The following CFAP77 variants were observed in gnomAD, a reference collection of about 807,000 sequenced individuals.
The protein encoded by CFAP77 is cilia and flagella associated protein 77.
In CFAP77, 25 loss-of-function variants were observed where a neutral mutation model predicts 31.1. That is an observed-to-expected ratio of 0.80 (90% CI 0.59 to 1.12). CFAP77 has a LOEUF of 1.12. CFAP77 is among the 50% of genes most tolerant of loss of function. The probability of loss-of-function intolerance (pLI) is 0.00; values close to 1 mark genes in which losing one functional copy is unlikely to be tolerated. For synonymous variants in CFAP77, 151 were observed against 159.9 expected (o/e 0.94, Z 0.42); for missense variants, 377 against 397.3 (o/e 0.95, Z 0.44).
chr9:132,489,040 G>C (rs1010687549), intron 1 of CFAP77, among the ~76,000 whole-genome samples: 1 of 152,196 alleles, frequency 6.6e-6, no homozygotes, highest in African/African-American at 2.4e-5. Flanking sequence ...GCTGAGGAGG[G>C]AGGGGTGGTC....
chr9:132,502,990 A>G (rs1442485250), intron 3 of CFAP77, among the ~76,000 whole-genome samples: 1 of 152,178 alleles, frequency 6.6e-6, no homozygotes, highest in African/African-American at 2.4e-5. Flanking sequence ...CTCATTCTTC[A>G]AAGTTCAGCT....
intron 1 of CFAP77, among the ~76,000 whole-genome samples, chr9:132,482,042 G>GA (rs76709339): frequency 0.049 from 7,313 of 149,520 alleles, 561 homozygotes; most frequent in East Asian, 0.36. Context: ...TAAAGAAAAT[G>GA]AAAACATAAA....
chr9:132,459,183 T>A (rs919494764), intron 1 of CFAP77, among the ~76,000 whole-genome samples: 3 of 151,916 alleles, frequency 2.0e-5, no homozygotes, highest in African/African-American at 7.3e-5. Context: ...GCCATTCTCC[T>A]GCCTCAGCCT....
At chr9:132,523,046 G>A (rs920515452) in intron 3 of CFAP77, among the ~76,000 whole-genome samples, 2 of 151,518 alleles carry the variant, frequency 1.3e-5, no homozygotes, top group African/African-American at 4.8e-5. Context: ...CCCCTGCCTC[G>A]GGCCTCGCTG....
At chr9:132,537,788 G>A (rs1852572157) in intron 4 of CFAP77, 82 bp downstream of exon 4, 3 of 1,020,766 alleles carry the variant, frequency 2.9e-6, no homozygotes, top group Non-Finnish European at 4.5e-6. Flanking sequence ...GCATCGAGAT[G>A]ACACTTGTGT....
Position 132,565,472 on chromosome 9 carries a change from A to G in CFAP77, c.733-6916A>G, listed in dbSNP as rs1217729203. ...TGGTAAAACCCCGTCTCTACTAAAAATATAAAAAATTAGCTGGGCGTGATG... is the reference window on the plus strand; with the variant it reads ...TGGTAAAACCCCGTCTCTACTAAAAGTATAAAAAATTAGCTGGGCGTGATG... On this transcript the variant is annotated intron_variant, in intron 5 of 5. Coordinates refer to ENST00000393216, the MANE Select transcript of CFAP77 (RefSeq NM_001282957.2). The surrounding 1 kb of genome is among the most constrained non-coding windows in gnomAD (Gnocchi z 4.1). Among the ~76,000 whole-genome samples, 1 of 152,206 alleles carries G rather than the reference A, an allele frequency of 6.6e-6. No individual in the cohort carries two copies. The highest frequency in any genetic ancestry group is 1.9e-4 in the East Asian group (1 of 5,176).
intron 5 of CFAP77, among the ~76,000 whole-genome samples, chr9:132,560,021 A>G (rs1478647849): frequency 6.6e-6 from 1 of 152,236 alleles, no homozygotes; most frequent in African/African-American, 2.4e-5. Flanking sequence ...GCCAGAGGCT[A>G]GGGAAGAGGA....
At chr9:132,530,557 G>A (rs1289652967) in intron 3 of CFAP77, among the ~76,000 whole-genome samples, 2 of 152,184 alleles carry the variant, frequency 1.3e-5, no homozygotes, top group East Asian at 1.9e-4. Flanking sequence ...TTACAGGCGT[G>A]AGCCATCATG....
intron 5 of CFAP77, among the ~76,000 whole-genome samples, chr9:132,548,988 T>C (rs1378691223): frequency 6.6e-6 from 1 of 151,968 alleles, no homozygotes; most frequent in Non-Finnish European, 1.5e-5. Flanking sequence ...GGCTCCCTAA[T>C]AGAACAGGAG....
chr9:132,505,408 C>G (rs17149200), intron 3 of CFAP77, among the ~76,000 whole-genome samples: 36,473 of 152,076 alleles, frequency 0.24, 4,952 homozygotes, highest in African/African-American at 0.37. Flanking sequence ...GTCACTAAAT[C>G]GGAAGGGTGC....
chr9:132,513,238 C>A, intron 3 of CFAP77: 1 of 1,539,662 alleles, frequency 6.5e-7, no homozygotes, highest in Non-Finnish European at 8.8e-7. Context: ...TTTAACCAAT[C>A]CTTTCTTTTG....
intron 1 of CFAP77, among the ~76,000 whole-genome samples, chr9:132,485,948 T>C (rs1308496737): frequency 7.4e-6 from 1 of 135,274 alleles, no homozygotes; most frequent in Non-Finnish European, 1.6e-5. Flanking sequence ...ACTGAGCTGG[T>C]GTCAGTCCAG....
At chr9:132,459,191 C>A (rs777463183) in intron 1 of CFAP77, among the ~76,000 whole-genome samples, 5 of 151,980 alleles carry the variant, frequency 3.3e-5, no homozygotes, top group Non-Finnish European at 5.9e-5. Flanking sequence ...CCTGCCTCAG[C>A]CTCCCGAGTA....
intron 5 of CFAP77, among the ~76,000 whole-genome samples, chr9:132,548,461 A>G (rs1852770516): frequency 2.0e-5 from 3 of 152,028 alleles, no homozygotes; most frequent in Admixed American, 2.0e-4. Flanking sequence ...TCCAGCTTTG[A>G]GCTCAGTTCT....
At position 132,411,860 on chromosome 9, in the gene CFAP77, TACACACACAC is replaced by T. The variant is rs3079550; in HGVS notation, c.195+1416_195+1425del. Among the ~76,000 whole-genome samples the T allele has an allele frequency of 4.0e-3, 603 of 149,662 alleles. 3 individuals are homozygous for T. Among genetic ancestry groups the T allele is most frequent in the African/African-American group, 0.013 (547 of 40,790 alleles). ...TGTGGTGCCCACGCTGAGCAATATG[TACACACACAC>T]ACACACACACACACACACACATACA... On this transcript the variant is annotated intron_variant, in intron 1 of 5. Transcript: ENST00000393216.
In CFAP77 at chr9:132,455,495, G is replaced by A. The variant is rs1191207475; in HGVS notation, c.196-43200G>A. Among the ~76,000 whole-genome samples the A allele has an allele frequency of 1.3e-5, 2 of 148,824 alleles. No individual in the cohort carries two copies. The highest frequency in any genetic ancestry group is 6.7e-5 in the Admixed American group (1 of 14,852). ...TGTACTCTAGCCTGGGTGGCAGAGC[G>A]AGACTCCTGAAAAAAAAAAACAAAA... On this transcript the variant is annotated intron_variant, in intron 1 of 5. Transcript: ENST00000393216. The surrounding 1 kb of genome is among the most constrained non-coding windows in gnomAD (Gnocchi z 4.1).
rs138526949 is a variant in CFAP77 at position 132,521,675 on chromosome 9, G to A, written c.525-15926G>A. Among the ~76,000 whole-genome samples, 334 of 152,006 alleles carry A rather than the reference G, an allele frequency of 2.2e-3. 3 individuals are homozygous for A. The highest frequency in any genetic ancestry group is 6.8e-3 in the Middle Eastern group (2 of 294). On this transcript the variant is annotated intron_variant, in intron 3 of 5. Transcript: ENST00000393216. ...TGCATTTGGGAGGGGGTAGGAGAGG[G>A]ACTGAGCTGGAGACCCTCGAGAATC...
chr9:132,525,295 C>G (rs1176494929), intron 3 of CFAP77, among the ~76,000 whole-genome samples: 2 of 152,194 alleles, frequency 1.3e-5, no homozygotes, highest in African/African-American at 4.8e-5. Context: ...GCTGGGATTA[C>G]AGGTGTGAGC....
Position 132,537,638 on chromosome 9 carries a change from T to C in CFAP77, c.562T>C (p.Tyr188His). ...TPFFDLLQHR[Y>H]LQLWVQEQKA... The stretch of plus-strand genomic sequence containing the variant: ...CTTCTTTGATCTGCTGCAGCACCGG[T>C]ACCTGCAGCTGTGGGTACAGGAACA... Residue 188 changes from tyrosine (Y) to histidine (H), a missense_variant, in exon 4 of 6, where the codon TAC becomes CAC. Coordinates refer to ENST00000393216, the MANE Select transcript of CFAP77 (RefSeq NM_001282957.2). 1 of 1,613,118 alleles carries C rather than the reference T, an allele frequency of 6.2e-7. No individual in the cohort carries two copies. The highest frequency in any genetic ancestry group is 8.5e-7 in the Non-Finnish European group (1 of 1,179,450).
Sources: allele counts gnomAD v4.1 joint callset (sites outside exome capture counted in the v4.1 genomes callset), GRCh38; gene constraint gnomAD v4.1.1; non-coding constraint Gnocchi (gnomAD v3.1); transcripts MANE v1.5; gene names NCBI Gene and HGNC (gene_info 2026-07-23, HGNC 2026-07-21).